CALN1: variants seen among roughly 807,000 people sequenced by gnomAD.
CALN1 encodes the protein calneuron 1.
CALN1 carries 17 observed loss-of-function variants against 30.6 expected under a neutral mutation model. The ratio of observed to expected loss-of-function variants is 0.56; its 90% CI spans 0.38 to 0.83. The LOEUF is 0.83. Among genes scored for constraint, CALN1 ranks in the 40% least tolerant of loss-of-function variants. CALN1 has a pLI of 0.00. For synonymous variants in CALN1, 156 were observed against 131.4 expected, an observed-to-expected ratio of 1.19 and a Z score of -1.28; for missense variants, 291 against 354.9, an observed-to-expected ratio of 0.82 and a Z score of 1.45.
At chr7:72,193,560 C>G (rs1055338424) in intron 3 of CALN1, among the ~76,000 whole-genome samples, 4 of 152,118 alleles carry the variant, frequency 2.6e-5, no homozygotes, top group African/African-American at 4.8e-5. Flanking sequence ...TTACAGAAAC[C>G]TAGATGGCCT....
intron 4 of CALN1, 140 bp downstream of exon 4, chr7:72,106,011 C>T (rs899024058): frequency 8.7e-7 from 1 of 1,144,736 alleles, no homozygotes; most frequent in Non-Finnish European, 1.2e-6. Context: ...ACTGAAAAAG[C>T]CTGTTCTAGT....
chr7:71,924,715 C>G (rs1017607372), intron 5 of CALN1, among the ~76,000 whole-genome samples: 9 of 152,090 alleles, frequency 5.9e-5, no homozygotes, highest in African/African-American at 2.2e-4. Context: ...TGTCTATCTT[C>G]AAATAATACA....
At position 72,013,149 on chromosome 7, in the gene CALN1, C is replaced by T. The variant is rs187648968; in HGVS notation, c.501+10508G>A. Among the ~76,000 whole-genome samples, 8 of 151,756 alleles carry T rather than the reference C, an allele frequency of 5.3e-5. No individual in the cohort carries two copies. The East Asian group carries it at 9.7e-4, about 18-fold the overall frequency. ...GTGCTCCATTTACCATAACCATGGG[C>T]GTGTGAACTAGAAATGCTTTAAATT... On this transcript the variant is annotated intron_variant, in intron 5 of 6. Transcript: ENST00000395275.
At chr7:71,925,858 GT>G (rs1010880785) in intron 5 of CALN1, among the ~76,000 whole-genome samples, 10 of 151,154 alleles carry the variant, frequency 6.6e-5, no homozygotes, top group Admixed American at 4.7e-4. Flanking sequence ...CAGTGGTGCA[GT>G]TTGTTGTTGT....
At chr7:71,864,843 A>C (rs890875154) in intron 5 of CALN1, among the ~76,000 whole-genome samples, 10 of 152,054 alleles carry the variant, frequency 6.6e-5, no homozygotes, top group African/African-American at 1.9e-4. Flanking sequence ...CTCTACAAAA[A>C]ACTTATAAAT....
intron 5 of CALN1, among the ~76,000 whole-genome samples, chr7:71,946,576 G>A (rs751631670): frequency 2.4e-4 from 36 of 151,820 alleles, no homozygotes; most frequent in Non-Finnish European, 4.4e-4. Flanking sequence ...TGCCTAGGCC[G>A]GTCTTGAACT....
chr7:71,788,054 C>T, intron 6 of CALN1, 152 bp from the exon 7 acceptor site: 1 of 996,548 alleles, frequency 1.0e-6, no homozygotes, highest in Non-Finnish European at 1.5e-6. Context: ...AGTTGACAGG[C>T]ATTTATGGGA....
chr7:72,349,283 TGTGTGTGTGTGTGTG>T (rs201368746), intron 2 of CALN1, among the ~76,000 whole-genome samples: 28 of 1,926 alleles, frequency 0.015, no homozygotes, highest in East Asian at 0.1. Flanking sequence ...CACGCGTGCT[TGTGTGTGTGTGTGTG>T]TGTGTGTGTG....
chr7:72,089,414 A>C (rs918606896), intron 4 of CALN1, among the ~76,000 whole-genome samples: 4 of 152,186 alleles, frequency 2.6e-5, no homozygotes, highest in Non-Finnish European at 5.9e-5. Flanking sequence ...CCCACAAAAC[A>C]AAATGACGGA....
In CALN1 at chr7:72,389,253, C is replaced by G. The variant is rs139717139; in HGVS notation, c.119+13998G>C. On this transcript the variant is annotated intron_variant, in intron 2 of 6. Transcript: ENST00000395275. ...CAGAGAGAAGGATGCAGGAATTCTT[C>G]CAGTTCTCCTGCCTCTTTCTCATTT... Among the ~76,000 whole-genome samples the G allele has an allele frequency of 1.2e-3, 187 of 152,312 alleles. 3 individuals are homozygous for G. Among genetic ancestry groups the G allele is most frequent in the African/African-American group, 4.2e-3 (174 of 41,558 alleles).
intron 3 of CALN1, among the ~76,000 whole-genome samples, chr7:72,110,553 C>T (rs1455470231): frequency 6.6e-6 from 1 of 151,982 alleles, no homozygotes; most frequent in Non-Finnish European, 1.5e-5. Context: ...TCTTTATTCT[C>T]TATTTGCATA....
Position 72,338,525 on chromosome 7 carries a change from G to GTGTGTGTGTGTGTGTGTGTGTGTC in CALN1, c.120-59716_120-59715insGACACACACACACACACACACACA. Among the ~76,000 whole-genome samples, 205 of 122,328 alleles carry GTGTGTGTGTGTGTGTGTGTGTGTC rather than the reference G, an allele frequency of 1.7e-3. 12 individuals carry two copies. Among genetic ancestry groups the GTGTGTGTGTGTGTGTGTGTGTGTC allele is most frequent in the African/African-American group, 4.4e-3 (142 of 32,068 alleles). 80.3% of individuals were successfully genotyped at this position (122,328 alleles called of 152,430 possible). A position where few individuals can be genotyped will look rare whatever the true frequency, so the allele number is the denominator to read the frequency against. Reference sequence around the variant, plus strand: ...TGTGTGTGTGTGTGTGTGTGTGTGTGTGTCTCACCTGGGTGTGGTTTCAGA... The same window carrying GTGTGTGTGTGTGTGTGTGTGTGTC: ...TGTGTGTGTGTGTGTGTGTGTGTGTGTGTGTGTGTGTGTGTGTGTGTGTCTGTCTCACCTGGGTGTGGTTTCAGA... On this transcript the variant is annotated intron_variant, in intron 2 of 6. Transcript: ENST00000395275.
chr7:72,398,966 C>G (rs996717276), intron 2 of CALN1, among the ~76,000 whole-genome samples: 9 of 152,172 alleles, frequency 5.9e-5, no homozygotes, highest in Non-Finnish European at 1.5e-5. Context: ...CCTTTCAGAC[C>G]TCCATGCCAA....
intron 2 of CALN1, among the ~76,000 whole-genome samples, chr7:72,295,917 A>G (rs1798822512): frequency 6.6e-6 from 1 of 151,866 alleles, no homozygotes; most frequent in East Asian, 1.9e-4. Flanking sequence ...AGGAGTGGTG[A>G]GAGAGGGCAT....
intron 3 of CALN1, among the ~76,000 whole-genome samples, chr7:72,252,931 G>A (rs1795664467): frequency 6.6e-6 from 1 of 152,194 alleles, no homozygotes; most frequent in Non-Finnish European, 1.5e-5. Flanking sequence ...GTGAATGAAT[G>A]AGCAAATCAA....
chr7:72,299,303 T>C (rs113930914), intron 2 of CALN1, among the ~76,000 whole-genome samples: 23 of 152,192 alleles, frequency 1.5e-4, no homozygotes, highest in African/African-American at 5.3e-4. Context: ...AAGCCCATTA[T>C]GTCCACTATT....
At chr7:71,983,810 G>C (rs1256777052) in intron 5 of CALN1, among the ~76,000 whole-genome samples, 1 of 152,082 alleles carries the variant, frequency 6.6e-6, no homozygotes, top group African/African-American at 2.4e-5. Context: ...GGGATTACAG[G>C]CATGAGCCAC....
chr7:72,193,763 T>C (rs1790790417), intron 3 of CALN1, among the ~76,000 whole-genome samples: 1 of 152,202 alleles, frequency 6.6e-6, no homozygotes, highest in Non-Finnish European at 1.5e-5. Context: ...AAAGAAATTG[T>C]CTATACTATT....
chr7:72,119,793 T>C (rs1808251106), intron 3 of CALN1, among the ~76,000 whole-genome samples: 1 of 151,978 alleles, frequency 6.6e-6, no homozygotes, highest in African/African-American at 2.4e-5. Context: ...AAGAAGAGCA[T>C]GGGAAAGACC....
Sources: allele counts gnomAD v4.1 joint callset (sites outside exome capture counted in the v4.1 genomes callset), GRCh38; gene constraint gnomAD v4.1.1; transcripts MANE v1.5; gene names NCBI Gene and HGNC (gene_info 2026-07-23, HGNC 2026-07-21).